TNFRSF11A: variants seen among roughly 807,000 people sequenced by gnomAD.
TNFRSF11A encodes TNF receptor superfamily member 11a, also known as tumor necrosis factor receptor superfamily member 11A.
In TNFRSF11A, 32 loss-of-function variants were observed where a neutral mutation model predicts 55.7. The ratio of observed to expected loss-of-function variants is 0.57; its 90% confidence interval spans 0.43 to 0.77. TNFRSF11A has a LOEUF of 0.77. Among genes scored for constraint, TNFRSF11A ranks in the 30% least tolerant of loss-of-function variants. The pLI is 0.00. For synonymous variants in TNFRSF11A, 311 were observed against 331.0 expected, an observed-to-expected ratio of 0.94 and a Z score of 0.65; for missense variants, 753 against 809.8, an observed-to-expected ratio of 0.93 and a Z score of 0.85.
chr18:62,370,661 C>T (rs1028016407), intron 9 of TNFRSF11A, among the ~76,000 whole-genome samples: 1 of 152,118 alleles, frequency 6.6e-6, no homozygotes, highest in Admixed American at 6.5e-5. Context: ...AATAGCAGTT[C>T]TCAGTCAAAC....
intron 4 of TNFRSF11A, among the ~76,000 whole-genome samples, chr18:62,356,899 G>A (rs1909302031): frequency 6.6e-6 from 1 of 152,224 alleles, no homozygotes; most frequent in African/African-American, 2.4e-5. Context: ...GAGTCATATG[G>A]AAGTCAAGCT....
Position 62,358,696 on chromosome 18 carries a change from T to TTG in TNFRSF11A, c.521+367_521+368dup, listed in dbSNP as rs376436289. ...ATCACTGATTTATTCATCCAGTTAT[T>TTG]TGTGTGTGTGTGTACATATAGAAGC... On this transcript the variant is annotated intron_variant, in intron 5 of 9. Coordinates refer to ENST00000586569, the MANE Select transcript of TNFRSF11A (RefSeq NM_003839.4). Among the ~76,000 whole-genome samples the TTG allele has an allele frequency of 1.1e-4, 16 of 152,124 alleles. No homozygotes were observed. The East Asian group carries it at 2.5e-3, about 24-fold the overall frequency.
chr18:62,337,591 C>A (rs2145255883), intron 1 of TNFRSF11A, among the ~76,000 whole-genome samples: 1 of 152,246 alleles, frequency 6.6e-6, no homozygotes, highest in East Asian at 1.9e-4. Flanking sequence ...TAATCCTCCT[C>A]CTGGCACGTG....
intron 7 of TNFRSF11A, among the ~76,000 whole-genome samples, chr18:62,363,027 A>G (rs1909807859): frequency 6.6e-6 from 1 of 151,842 alleles, no homozygotes. Context: ...TATTTTTAGT[A>G]GAAATGGGGT....
rs993166903 is a variant in TNFRSF11A at position 62,331,131 on chromosome 18, G to A, written c.75+5704G>A. On this transcript the variant is annotated intron_variant, in intron 1 of 9. Coordinates refer to ENST00000586569, the MANE Select transcript of TNFRSF11A (RefSeq NM_003839.4). ...AGGCAGGAGAATCGCTTGTATCCAG[G>A]AGGTGGAGGTTACAGTGAACCGAGT... 9.9e-5 allele frequency among the ~76,000 whole-genome samples: 15 copies of A among 152,274 alleles called. No homozygotes were observed. In the East Asian group the frequency reaches 1.7e-3, roughly 18 times the overall value.
chr18:62,354,251 G>T, intron 3 of TNFRSF11A, 140 bp from the exon 4 acceptor site: 1 of 1,072,474 alleles, frequency 9.3e-7, no homozygotes, highest in South Asian at 1.9e-5. Context: ...GACTTCTCGA[G>T]CAGTGTCCTG....
At chr18:62,384,617 A>T in intron 9 of TNFRSF11A, 134 bp from the exon 10 acceptor site, 1 of 988,788 alleles carries the variant, frequency 1.0e-6, no homozygotes, top group Non-Finnish European at 1.5e-6. Context: ...GGAGGGTTAC[A>T]GTGTGGTTCC....
intron 1 of TNFRSF11A, chr18:62,336,537 C>T (rs188169766): frequency 6.6e-6 from 1 of 152,254 alleles, no homozygotes; most frequent in East Asian, 1.9e-4. Flanking sequence ...TTGGCTTCTA[C>T]TACGGAAAAG....
chr18:62,353,538 G>A (rs573453673), intron 3 of TNFRSF11A, among the ~76,000 whole-genome samples: 25 of 152,190 alleles, frequency 1.6e-4, no homozygotes, highest in Non-Finnish European at 3.2e-4. Context: ...AACTCAAAAT[G>A]TACACGGTTC....
intron 9 of TNFRSF11A, among the ~76,000 whole-genome samples, chr18:62,377,062 T>C (rs754266979): frequency 2.6e-5 from 4 of 152,128 alleles, no homozygotes; most frequent in South Asian, 4.1e-4. Context: ...TACAGGCGCC[T>C]GCCACCATGC....
chr18:62,360,103 G>T (rs1909564773), intron 6 of TNFRSF11A, 54 bp downstream of exon 6: 1 of 1,475,462 alleles, frequency 6.8e-7, no homozygotes, highest in South Asian at 1.1e-5. Context: ...GTGGTCAGCT[G>T]GTTTAGATCC....
intron 9 of TNFRSF11A, among the ~76,000 whole-genome samples, chr18:62,380,803 TTC>T (rs1555776487): frequency 0.18 from 26,830 of 149,734 alleles, 3,202 homozygotes; most frequent in Non-Finnish European, 0.27. Context: ...AAAAATAATA[TTC>T]TTTTTTTTTT....
intron 1 of TNFRSF11A, among the ~76,000 whole-genome samples, chr18:62,332,398 A>G (rs976513072): frequency 6.6e-6 from 1 of 152,230 alleles, no homozygotes; most frequent in Non-Finnish European, 1.5e-5. Flanking sequence ...CTTCATAGTC[A>G]GATATACAAG....
intron 1 of TNFRSF11A, among the ~76,000 whole-genome samples, chr18:62,329,343 G>C (rs1258092642): frequency 6.6e-6 from 1 of 152,210 alleles, no homozygotes; most frequent in Non-Finnish European, 1.5e-5. Context: ...CCTGGCCTTA[G>C]TCCACAGGGA....
At position 62,373,542 on chromosome 18, in the gene TNFRSF11A, A is replaced by G. The variant is rs1379560029; in HGVS notation, c.1567+4058A>G. On this transcript the variant is annotated intron_variant, in intron 9 of 9. Coordinates refer to ENST00000586569, the MANE Select transcript of TNFRSF11A (RefSeq NM_003839.4). ...ATGTTAAGTGAATGGATGCTTATAC[A>G]CTCATTCATTCATCCATTCAGGAAT... Among the ~76,000 whole-genome samples the G allele has an allele frequency of 3.3e-5, 5 of 152,332 alleles. No individual in the cohort carries two copies. In the East Asian group the frequency reaches 9.6e-4, roughly 29 times the overall value.
At chr18:62,331,806 C>G (rs1243992173) in intron 1 of TNFRSF11A, among the ~76,000 whole-genome samples, 1 of 152,236 alleles carries the variant, frequency 6.6e-6, no homozygotes, top group Non-Finnish European at 1.5e-5. Flanking sequence ...CACATTGCCG[C>G]TGCCTAAGAT....
rs2046058889 is a variant in TNFRSF11A at position 62,325,494 on chromosome 18, G to A, written c.75+67G>A. The A allele has an allele frequency of 9.4e-6, 10 of 1,065,012 alleles. No individual in the cohort carries two copies. Among genetic ancestry groups the A allele is most frequent in the East Asian group, 9.7e-5 (2 of 20,698 alleles). The allele number at this position is 1,065,012 out of a possible 1,614,324, so 66.0% of individuals were successfully genotyped here. A position where few individuals can be genotyped will look rare whatever the true frequency, so the allele number is the denominator to read the frequency against. On this transcript the variant is annotated intron_variant, in intron 1 of 9. Transcript: ENST00000586569. This position sits in a 1 kb window ranked among gnomAD's most constrained non-coding sequence, Gnocchi z 4.7. ...CTCCTCGGGAGCCCCGGGAAGGGCC[G>A]GGGCCGGCGGCATCCTGGCTCCTCC...
chr18:62,369,297 C>A lies in TNFRSF11A; in HGVS notation c.1380C>A (p.Leu460=), dbSNP rs1184609036. 3.7e-6 allele frequency: 6 copies of A among 1,611,406 alleles called. 1 individual carries two copies. In the South Asian group the frequency reaches 6.6e-5, roughly 18 times the overall value. ...CTCCTGGGGAGGACTGTGAACCCCTCGTGGGTTCCCCAAAACGTGGACCCT... is the reference window on the plus strand; with the variant it reads ...CTCCTGGGGAGGACTGTGAACCCCTAGTGGGTTCCCCAAAACGTGGACCCT... ...RNPPGEDCEP[L]VGSPKRGPLP... The change falls in exon 9 of 10, where the codon CTC becomes CTA. Residue 460 remains leucine, a synonymous_variant. Transcript: ENST00000586569.
chr18:62,342,423 A>AAAAAAAAAAAAAAAAAC (rs1363359947), intron 1 of TNFRSF11A, among the ~76,000 whole-genome samples: 1 of 149,454 alleles, frequency 6.7e-6, no homozygotes, highest in Non-Finnish European at 1.5e-5. Context: ...AAAAAAAAAA[A>AAAAAAAAAAAAAAAAAC]AATCCTATAT....
Sources: allele counts gnomAD v4.1 joint callset (sites outside exome capture counted in the v4.1 genomes callset), GRCh38; gene constraint gnomAD v4.1.1; non-coding constraint Gnocchi (gnomAD v3.1); transcripts MANE v1.5; gene names NCBI Gene and HGNC (gene_info 2026-07-23, HGNC 2026-07-21).